Variants in ITGAL observed in about 807,000 individuals in gnomAD.
The protein encoded by ITGAL is integrin subunit alpha L.
A neutral mutation model predicts 138.4 loss-of-function variants in ITGAL; 68 were observed. The ratio of observed to expected loss-of-function variants is 0.49; its 90% CI spans 0.40 to 0.60. ITGAL has a LOEUF of 0.60. Ranked by LOEUF, ITGAL falls within the 20% of genes least tolerant of loss-of-function variation. The probability of loss-of-function intolerance (pLI) is 0.00; values close to 1 mark genes in which losing one functional copy is unlikely to be tolerated. For missense variants in ITGAL, 1,256 were observed against 1,478.6 expected (o/e 0.85, Z 2.47); for synonymous variants, 561 against 584.3 (o/e 0.96, Z 0.57).
At chr16:30,495,581 G>A (rs948661392) in intron 13 of ITGAL, among the ~76,000 whole-genome samples, 3 of 152,134 alleles carry the variant, frequency 2.0e-5, no homozygotes, top group African/African-American at 7.2e-5. Flanking sequence ...TGTAATCCCA[G>A]CACTTTGAGA....
At chr16:30,506,998 A>T in intron 21 of ITGAL, 142 bp downstream of exon 21, 1 of 873,450 alleles carries the variant, frequency 1.1e-6, no homozygotes, top group South Asian at 1.6e-5. Context: ...CTGGGTTCCC[A>T]GCCTCGAGCT....
chr16:30,484,154 C>T lies in ITGAL; in HGVS notation c.897C>T (p.Leu299=), dbSNP rs772972642. ...AGACCAAGGAGAGTCAGGAGACCCT[C>T]CACAAATTTGCATCAAAACCCGCGA... The part of the protein sequence containing the change: ...HFQTKESQET[L]HKFASKPASE... Residue 299 remains leucine, a synonymous_variant, in exon 9 of 31, where the codon CTC becomes CTT. Transcript: ENST00000356798. 1.9e-6 allele frequency: 3 copies of T among 1,614,154 alleles called. No individual in the cohort carries two copies. Among genetic ancestry groups the T allele is most frequent in the Non-Finnish European group, 2.5e-6 (3 of 1,180,032 alleles).
intron 2 of ITGAL, among the ~76,000 whole-genome samples, chr16:30,475,090 C>T (rs1640921114): frequency 6.6e-6 from 1 of 152,080 alleles, no homozygotes; most frequent in Admixed American, 6.6e-5. Context: ...AGTTCCTGAC[C>T]TCAGGTGATC....
chr16:30,499,606 C>T lies in ITGAL; in HGVS notation c.2145+117C>T, dbSNP rs1014972415. 6 of 924,536 alleles carry T rather than the reference C, an allele frequency of 6.5e-6. No homozygotes were observed. The African/African-American group carries it at 9.9e-5, about 15-fold the overall frequency. The allele number at this position is 924,536 out of a possible 1,614,324, so 57.3% of individuals were successfully genotyped here. A position where few individuals can be genotyped will look rare whatever the true frequency, so the allele number is the denominator to read the frequency against. On this transcript the variant is annotated intron_variant, in intron 17 of 30. Transcript: ENST00000356798. Reference sequence around the variant, plus strand: ...TCCCTCTGTGCTGTCACTTCCTCTCCTGTGCAATGGTAGTAATAACACCCT... The same window carrying T: ...TCCCTCTGTGCTGTCACTTCCTCTCTTGTGCAATGGTAGTAATAACACCCT...
At chr16:30,497,537 T>C (rs1412982876) in intron 15 of ITGAL, among the ~76,000 whole-genome samples, 1 of 151,130 alleles carries the variant, frequency 6.6e-6, no homozygotes, top group African/African-American at 2.4e-5. Flanking sequence ...AGTGCAGTGG[T>C]GCGATCTTGG....
In ITGAL at chr16:30,521,676, G is replaced by A. The variant is rs775726136; in HGVS notation, c.*11G>A. ...GGTGGCAAGGACTGAGTCCAGGCCT[G>A]TGAGGTGCAGAGTGCCCAGAACTGG... On this transcript the variant is annotated 3_prime_UTR_variant, in exon 31 of 31. Coordinates refer to ENST00000356798, the MANE Select transcript of ITGAL (RefSeq NM_002209.3). 9.3e-6 allele frequency: 15 copies of A among 1,612,320 alleles called. No homozygotes were observed. Among genetic ancestry groups the A allele is most frequent in the Admixed American group, 1.7e-5 (1 of 59,944 alleles).
At chr16:30,489,052 G>A (rs377532542) in intron 9 of ITGAL, 30 bp from the exon 10 acceptor site, 2 of 1,594,534 alleles carry the variant, frequency 1.3e-6, no homozygotes, top group African/African-American at 2.7e-5. Flanking sequence ...CTGCTGTTGG[G>A]TCTCACCTGT....
Position 30,483,925 on chromosome 16 carries a change from A to T in ITGAL, c.821A>T (p.Asp274Val), listed in dbSNP as rs778433622. The change falls in exon 8 of 31, where the codon GAT becomes GTT. Residue 274 changes from aspartate (D) to valine (V), a missense_variant. By Grantham distance (152) the Asp-to-Val change is radical. This residue lies in a region of ITGAL where 177 missense variants were observed against 288.8 expected (regional missense o/e 0.61). Transcript: ENST00000356798. The stretch of plus-strand genomic sequence containing the variant: ...GAGGCCACTGACAGTGGCAACATCG[A>T]TGCGGCCAAAGACATCATCCGCTAC... ...DGEATDSGNI[D>V]AAKDIIRYII... 3 of 1,614,026 alleles carry T rather than the reference A, an allele frequency of 1.9e-6. No individual in the cohort carries two copies. In the Admixed American group the frequency reaches 5.0e-5, roughly 27 times the overall value.
At chr16:30,495,313 C>T (rs1003945223) in intron 13 of ITGAL, among the ~76,000 whole-genome samples, 16 of 152,292 alleles carry the variant, frequency 1.1e-4, no homozygotes, top group African/African-American at 3.6e-4. Context: ...GTGCCTGCCG[C>T]CACACCCAGC....
intron 21 of ITGAL, 99 bp from the exon 22 acceptor site, chr16:30,510,262 G>T: frequency 1.4e-6 from 1 of 733,250 alleles, no homozygotes. Context: ...CCATGACAGG[G>T]ACAGAGCCCC....
intron 19 of ITGAL, 25 bp downstream of exon 19, chr16:30,505,325 G>C (rs770249373): frequency 3.1e-6 from 5 of 1,613,144 alleles, no homozygotes; most frequent in Non-Finnish European, 4.2e-6. Flanking sequence ...GGGGCAGGCA[G>C]AGAGGCCTGG....
intron 9 of ITGAL, among the ~76,000 whole-genome samples, chr16:30,486,734 C>T (rs2050652514): frequency 6.6e-6 from 1 of 152,062 alleles, no homozygotes; most frequent in Non-Finnish European, 1.5e-5. Flanking sequence ...TAAGGGTCTT[C>T]CAGGCCCTCA....
intron 23 of ITGAL, 22 bp downstream of exon 23, chr16:30,510,982 C>T (rs889104601): frequency 1.2e-5 from 20 of 1,613,412 alleles, no homozygotes; most frequent in African/African-American, 6.7e-5. Context: ...CCGCCCACAT[C>T]CCTGCCATGG....
In ITGAL at chr16:30,479,147, G is replaced by A. The variant is rs1485336478; in HGVS notation, c.384G>A (p.Leu128=). The A allele has an allele frequency of 6.2e-7, 1 of 1,614,072 alleles. No homozygotes were observed. The highest frequency in any genetic ancestry group is 8.5e-7 in the Non-Finnish European group (1 of 1,180,050). The stretch of plus-strand genomic sequence containing the variant: ...ACCAGAACACCTATCTGAGTGGCCT[G>A]TGTTACCTCTTCCGCCAGAATCTGC... ...TCDQNTYLSG[L]CYLFRQNLQG... Residue 128 remains leucine, a synonymous_variant, in exon 5 of 31, where the codon CTG becomes CTA. Transcript: ENST00000356798.
chr16:30,499,023 G>T, intron 15 of ITGAL, 51 bp from the exon 16 acceptor site: 1 of 1,576,152 alleles, frequency 6.3e-7, no homozygotes, highest in Non-Finnish European at 8.6e-7. Context: ...ATCTGAGGGG[G>T]GACGTGCAGT....
chr16:30,503,995 G>T, intron 17 of ITGAL, 180 bp from the exon 18 acceptor site: 1 of 538,550 alleles, frequency 1.9e-6, no homozygotes, highest in East Asian at 3.2e-5. Context: ...GTGCTGAGAA[G>T]CCCCCTGGGT....
chr16:30,511,233 C>T (rs1439210821), intron 24 of ITGAL, 97 bp downstream of exon 24: 1 of 925,612 alleles, frequency 1.1e-6, no homozygotes, highest in Admixed American at 1.8e-5. Flanking sequence ...TTCTGAACCT[C>T]CTTCCTTTCT....
At chr16:30,487,744 C>G (rs2050668433) in intron 9 of ITGAL, among the ~76,000 whole-genome samples, 1 of 143,354 alleles carries the variant, frequency 7.0e-6, no homozygotes, top group Admixed American at 7.1e-5. Flanking sequence ...TTCACTGTGT[C>G]AGCCAGGCTG....
At chr16:30,484,322 C>T in intron 9 of ITGAL, 59 bp downstream of exon 9, 1 of 1,554,254 alleles carries the variant, frequency 6.4e-7, no homozygotes, top group South Asian at 1.2e-5. Context: ...TCCCCTGGGA[C>T]ATCAGGCCGG....
Sources: gnomAD v4.1 joint callset for allele counts (sites outside exome capture counted in the v4.1 genomes callset) on GRCh38, gnomAD v4.1.1 for gene constraint, gnomAD v4.1.1 regional missense constraint, MANE v1.5 for transcripts, NCBI Gene and HGNC (gene_info 2026-07-23, HGNC 2026-07-21) for gene names.